The following WARS1 variants were observed in gnomAD, a reference collection of about 807,000 sequenced individuals.
The protein encoded by WARS1 is tryptophanyl-tRNA synthetase 1, also known as tryptophan--tRNA ligase, cytoplasmic.
WARS1 carries 17 observed loss-of-function variants against 47.8 expected under a neutral mutation model. The ratio of observed to expected loss-of-function variants is 0.36; its 90% CI spans 0.24 to 0.53. The LOEUF is 0.53. Ranked by LOEUF, WARS1 falls within the 20% of genes least tolerant of loss-of-function variation. The pLI is 0.91. For synonymous variants in WARS1, 208 were observed against 228.1 expected, an observed-to-expected ratio of 0.91 and a Z score of 0.79; for missense variants, 434 against 608.0, an observed-to-expected ratio of 0.71 and a Z score of 3.01.
At chr14:100,368,826 T>C (rs1009554494) in intron 2 of WARS1, among the ~76,000 whole-genome samples, 1 of 152,128 alleles carries the variant, frequency 6.6e-6, no homozygotes, top group Non-Finnish European at 1.5e-5. Flanking sequence ...CTGGGTGTGG[T>C]GGTGCATGCC....
intron 6 of WARS1, among the ~76,000 whole-genome samples, chr14:100,350,066 T>C (rs986988247): frequency 1.3e-5 from 2 of 152,174 alleles, no homozygotes; most frequent in African/African-American, 4.8e-5. Context: ...TTGGTTGACA[T>C]ACTGTCTGGG....
intron 7 of WARS1, among the ~76,000 whole-genome samples, chr14:100,344,127 T>C (rs1894366904): frequency 6.6e-6 from 1 of 152,204 alleles, no homozygotes; most frequent in Non-Finnish European, 1.5e-5. Flanking sequence ...CTCCCTCTGA[T>C]GCGGAGCCAA....
intron 1 of WARS1, among the ~76,000 whole-genome samples, chr14:100,371,447 CAAAAAAAAAAA>C (rs60977618): frequency 1.1e-4 from 10 of 89,132 alleles, no homozygotes; most frequent in East Asian, 2.6e-4. Context: ...GGTTCTGTCT[CAAAAAAAAAAA>C]AAAAAAAAAG....
At chr14:100,339,423 C>G (rs898130749) in intron 9 of WARS1, among the ~76,000 whole-genome samples, 2 of 151,934 alleles carry the variant, frequency 1.3e-5, no homozygotes, top group Non-Finnish European at 2.9e-5. Flanking sequence ...AACCCCGTCT[C>G]TACCAAAATA....
intron 9 of WARS1, 200 bp downstream of exon 9, chr14:100,342,198 C>A: frequency 7.2e-6 from 5 of 690,710 alleles, no homozygotes; most frequent in South Asian, 4.8e-5. Context: ...GGACACAAAA[C>A]AAATTCACCT....
chr14:100,354,230 C>G lies in WARS1; in HGVS notation c.542+217G>C, dbSNP rs917726863. The G allele has an allele frequency of 6.9e-6, 4 of 580,686 alleles. No homozygotes were observed. The African/African-American group carries it at 7.5e-5, about 11-fold the overall frequency. The allele number at this position is 580,686 out of a possible 1,614,324, so 36.0% of individuals were successfully genotyped here. ...GGAGCAGGATGAGAAGAGGAGCAGG[C>G]CTGGCTGACTCCAAAGCTGCGCTCT... On this transcript the variant is annotated intron_variant, in intron 5 of 10. Coordinates refer to ENST00000392882, the MANE Select transcript of WARS1 (RefSeq NM_004184.4).
At chr14:100,357,315 A>C (rs1895381988) in intron 4 of WARS1, among the ~76,000 whole-genome samples, 1 of 152,192 alleles carries the variant, frequency 6.6e-6, no homozygotes, top group Non-Finnish European at 1.5e-5. Flanking sequence ...TCCAAATTGG[A>C]AAGGAGGAAG....
chr14:100,352,772 G>A (rs1458434000), intron 6 of WARS1: 1 of 152,206 alleles, frequency 6.6e-6, no homozygotes, highest in Non-Finnish European at 1.5e-5. Flanking sequence ...CACAACTCAG[G>A]TGCTCAAGAA....
chr14:100,370,782 G>GAA (rs34312584), intron 1 of WARS1, among the ~76,000 whole-genome samples: 2,049 of 145,716 alleles, frequency 0.014, 30 homozygotes, highest in African/African-American at 0.032. Flanking sequence ...ACAAAAAAAT[G>GAA]AAAAAAAAAA....
At chr14:100,364,425 G>A (rs1261397039) in intron 2 of WARS1, among the ~76,000 whole-genome samples, 3 of 152,176 alleles carry the variant, frequency 2.0e-5, no homozygotes, top group Non-Finnish European at 2.9e-5. Flanking sequence ...TAGATAAATG[G>A]CAGGAGAAGA....
intron 9 of WARS1, among the ~76,000 whole-genome samples, chr14:100,338,764 G>C (rs1893924153): frequency 6.6e-6 from 1 of 151,888 alleles, no homozygotes; most frequent in Non-Finnish European, 1.5e-5. Context: ...AAAAAGGTGG[G>C]CAGAGTCAAT....
rs1893612161 is a variant in WARS1 at position 100,335,007 on chromosome 14, A to C, written c.1284T>G (p.Gly428=). The C allele has an allele frequency of 1.9e-6, 3 of 1,613,930 alleles. No individual in the cohort carries two copies. In the African/African-American group the frequency reaches 4.0e-5, roughly 22 times the overall value. The change falls in exon 11 of 11, where the codon GGT becomes GGG. Residue 428 remains glycine (G), a synonymous_variant. Coordinates refer to ENST00000392882, the MANE Select transcript of WARS1 (RefSeq NM_004184.4). Reference sequence around the variant, plus strand: ...CCTCTATGAGTGCCTTCTTGAGCTCACCGGTGAGCATGGCTCCGCTGGTGT... The same window carrying C: ...CCTCTATGAGTGCCTTCTTGAGCTCCCCGGTGAGCATGGCTCCGCTGGTGT... ...KDYTSGAMLT[G]ELKKALIEVL... is the part of the protein sequence containing the mutation.
intron 6 of WARS1, among the ~76,000 whole-genome samples, chr14:100,347,986 T>C (rs910006229): frequency 6.6e-6 from 1 of 152,208 alleles, no homozygotes; most frequent in Non-Finnish European, 1.5e-5. Context: ...TGGTGTCTTT[T>C]AAGTGTTTGC....
At chr14:100,343,240 C>T (rs1427739405) in intron 8 of WARS1, 35 bp downstream of exon 8, 4 of 1,561,654 alleles carry the variant, frequency 2.6e-6, no homozygotes, top group Non-Finnish European at 3.5e-6. Context: ...GTCAATGCCC[C>T]AGACTTAGAG....
chr14:100,363,523 C>G (rs531396476), intron 2 of WARS1, among the ~76,000 whole-genome samples: 1 of 152,230 alleles, frequency 6.6e-6, no homozygotes, highest in Non-Finnish European at 1.5e-5. Flanking sequence ...TGGCAAAACC[C>G]TGTCTCTACC....
At chr14:100,360,788 T>C (rs1895616066) in intron 3 of WARS1, 126 bp from the exon 4 acceptor site, 1 of 598,966 alleles carries the variant, frequency 1.7e-6, no homozygotes, top group African/African-American at 1.9e-5. Flanking sequence ...CTTTAGGCCT[T>C]CTGCTAAAGG....
chr14:100,355,964 G>A (rs7156157), intron 4 of WARS1, among the ~76,000 whole-genome samples: 4,957 of 152,264 alleles, frequency 0.033, 115 homozygotes, highest in East Asian at 0.078. Context: ...TTTATGTGGA[G>A]CATCTGAGAA....
Position 100,346,774 on chromosome 14 carries a change from A to G in WARS1, c.798T>C (p.Ile266=). The G allele has an allele frequency of 6.2e-7, 1 of 1,614,178 alleles. No individual in the cohort carries two copies. Among genetic ancestry groups the G allele is most frequent in the African/African-American group, 1.3e-5 (1 of 75,062 alleles). The change falls in exon 7 of 11, where the codon ATT becomes ATC. Residue 266 remains isoleucine, a synonymous_variant. Coordinates refer to ENST00000392882, the MANE Select transcript of WARS1 (RefSeq NM_004184.4). Reference sequence around the variant, plus strand: ...TGCAGTCGCTGTCAGTGAAGCCGAAAATGCCTTTCACTTGGTTGAAGGTAA... The same window carrying G: ...TGCAGTCGCTGTCAGTGAAGCCGAAGATGCCTTTCACTTGGTTGAAGGTAA... ...KHVTFNQVKG[I]FGFTDSDCIG...
At chr14:100,368,283 G>A (rs943317921) in intron 2 of WARS1, 9 of 346,998 alleles carry the variant, frequency 2.6e-5, no homozygotes, top group Admixed American at 2.4e-4. Context: ...AAAGCTGGGC[G>A]AGAAAGTTAG....
Sources: gnomAD v4.1 joint callset for allele counts (sites outside exome capture counted in the v4.1 genomes callset) on GRCh38, gnomAD v4.1.1 for gene constraint, MANE v1.5 for transcripts, NCBI Gene and HGNC (gene_info 2026-07-23, HGNC 2026-07-21) for gene names.